Variants in HYDIN observed in about 807,000 individuals in gnomAD.
The protein encoded by HYDIN is axonemal central pair apparatus protein HYDIN.
In HYDIN, 132 loss-of-function variants were observed where a neutral mutation model predicts 403.9. The observed-to-expected ratio is 0.33, with a 90% CI of 0.28 to 0.38. HYDIN has a LOEUF of 0.38. Among genes scored for constraint, HYDIN ranks in the 10% least tolerant of loss-of-function variants. The pLI is 1.00. For synonymous variants in HYDIN, 1,202 were observed against 1,891.7 expected, an observed-to-expected ratio of 0.64 and a Z score of 9.46; for missense variants, 2,827 against 5,009.5, an observed-to-expected ratio of 0.56 and a Z score of 13.15.
intron 13 of HYDIN, among the ~76,000 whole-genome samples, chr16:71,074,048 T>C (rs111500355): frequency 9.1e-4 from 139 of 152,222 alleles, no homozygotes; most frequent in African/African-American, 3.0e-3. Flanking sequence ...ACCAAGCAAA[T>C]AAATGCCACA....
At chr16:70,955,942 C>G (rs969776897) in intron 39 of HYDIN, among the ~76,000 whole-genome samples, 2 of 152,150 alleles carry the variant, frequency 1.3e-5, no homozygotes, top group African/African-American at 4.8e-5. Context: ...CCTCAGCCTC[C>G]CAAGTAGCTG....
intron 1 of HYDIN, among the ~76,000 whole-genome samples, chr16:71,218,296 T>C (rs1419081052): frequency 6.6e-6 from 1 of 152,148 alleles, no homozygotes; most frequent in Non-Finnish European, 1.5e-5. Flanking sequence ...AACTACTCCA[T>C]AAAACCCATG....
intron 3 of HYDIN, among the ~76,000 whole-genome samples, chr16:71,184,043 C>T (rs552751815): frequency 6.6e-6 from 1 of 152,126 alleles, no homozygotes; most frequent in African/African-American, 2.4e-5. Flanking sequence ...TTGTGGGAAA[C>T]AGACAAAACA....
At chr16:71,187,976 C>G (rs1176537011) in intron 1 of HYDIN, among the ~76,000 whole-genome samples, 1 of 152,106 alleles carries the variant, frequency 6.6e-6, no homozygotes, top group Non-Finnish European at 1.5e-5. Context: ...TTTGGACAAG[C>G]TGATAAGAAA....
chr16:70,974,089 CATA>C, intron 33 of HYDIN, 69 bp from the exon 34 acceptor site: 1 of 910,580 alleles, frequency 1.1e-6, no homozygotes, highest in Admixed American at 2.7e-5. Flanking sequence ...ATGGCTCTGA[CATA>C]ATAACTGGAT....
intron 39 of HYDIN, among the ~76,000 whole-genome samples, chr16:70,957,004 C>A (rs2078260941): frequency 7.1e-6 from 1 of 141,790 alleles, no homozygotes; most frequent in African/African-American, 2.9e-5. Flanking sequence ...TCACTTAAAT[C>A]ATTTATAAGT....
At chr16:71,181,848 G>A (rs550433372) in intron 3 of HYDIN, among the ~76,000 whole-genome samples, 102 of 152,140 alleles carry the variant, frequency 6.7e-4, no homozygotes, top group Non-Finnish European at 1.3e-3. Context: ...AAGCTCAAGC[G>A]ATCATACAAA....
intron 55 of HYDIN, chr16:70,893,952 T>A (rs2041627740): frequency 6.5e-6 from 1 of 153,080 alleles, no homozygotes; most frequent in Admixed American, 6.5e-5. Flanking sequence ...TTTCTTCACA[T>A]GAAATCTGCT....
chr16:70,921,906 G>A (rs2077005926), intron 45 of HYDIN, among the ~76,000 whole-genome samples: 5 of 152,124 alleles, frequency 3.3e-5, no homozygotes, highest in Admixed American at 3.3e-4. Flanking sequence ...TTTTCTTACT[G>A]CACTTTTAAA....
chr16:70,899,922 G>A (rs577608057), intron 53 of HYDIN, among the ~76,000 whole-genome samples: 61 of 151,532 alleles, frequency 4.0e-4, no homozygotes, highest in Middle Eastern at 3.4e-3. Context: ...GATTGAGGGC[G>A]AGGGTGGAGC....
chr16:70,954,480 GAAAGA>G (rs912201796), intron 40 of HYDIN, among the ~76,000 whole-genome samples: 4 of 145,462 alleles, frequency 2.7e-5, no homozygotes, highest in Admixed American at 6.8e-5. Flanking sequence ...AAGAAAGAAA[GAAAGA>G]AAACAACCCC....
At chr16:71,115,433 A>T (rs1302479079) in intron 10 of HYDIN, among the ~76,000 whole-genome samples, 2 of 152,230 alleles carry the variant, frequency 1.3e-5, no homozygotes, top group Non-Finnish European at 2.9e-5. Context: ...TATTATTAGC[A>T]GTATGAAAAT....
At chr16:71,225,733 C>T in intron 1 of HYDIN, among the ~76,000 whole-genome samples, 1 of 152,028 alleles carries the variant, frequency 6.6e-6, no homozygotes, top group East Asian at 1.9e-4. Flanking sequence ...CCCACCAAGA[C>T]ATTTGAATGA....
chr16:71,026,405 C>T (rs969546591), intron 20 of HYDIN, among the ~76,000 whole-genome samples: 2 of 152,158 alleles, frequency 1.3e-5, no homozygotes, highest in African/African-American at 4.8e-5. Flanking sequence ...TTTAGAAGAA[C>T]ATTCGGGGAT....
chr16:71,219,029 A>G (rs1181996633), intron 1 of HYDIN, among the ~76,000 whole-genome samples: 4 of 152,222 alleles, frequency 2.6e-5, no homozygotes, highest in African/African-American at 9.6e-5. Flanking sequence ...AATTGTTTTC[A>G]GACATCAATA....
At chr16:71,165,382 G>A (rs1184292413) in intron 5 of HYDIN, among the ~76,000 whole-genome samples, 1 of 151,618 alleles carries the variant, frequency 6.6e-6, no homozygotes, top group Non-Finnish European at 1.5e-5. Flanking sequence ...CTGTCTCCCC[G>A]AGGCCTCCCC....
At chr16:71,144,509 ATAAT>A (rs2085295779) in intron 7 of HYDIN, among the ~76,000 whole-genome samples, 1 of 144,068 alleles carries the variant, frequency 6.9e-6, no homozygotes, top group Non-Finnish European at 1.5e-5. Context: ...AATAAAAAAG[ATAAT>A]TAAATCATTT....
At chr16:71,210,872 T>C (rs1344153485) in intron 1 of HYDIN, among the ~76,000 whole-genome samples, 2 of 152,112 alleles carry the variant, frequency 1.3e-5, no homozygotes, top group Non-Finnish European at 2.9e-5. Context: ...GTAGTCATAT[T>C]ATTATAATTT....
chr16:71,121,649 A>C (rs1262735802), intron 9 of HYDIN, among the ~76,000 whole-genome samples: 1 of 151,370 alleles, frequency 6.6e-6, no homozygotes, highest in Non-Finnish European at 1.5e-5. Context: ...ATATCAACAT[A>C]AAGAATTTCT....
Sources: allele counts gnomAD v4.1 joint callset (sites outside exome capture counted in the v4.1 genomes callset), GRCh38; gene constraint gnomAD v4.1.1; transcripts MANE v1.5; gene names NCBI Gene and HGNC (gene_info 2026-07-23, HGNC 2026-07-21).